The following NDRG4 variants were observed in gnomAD, a reference collection of about 807,000 sequenced individuals.
NDRG4 encodes the protein NDRG family member 4.
A neutral mutation model predicts 55.8 loss-of-function variants in NDRG4; 38 were observed. That is an observed-to-expected ratio of 0.68 (90% CI 0.53 to 0.89). NDRG4 has a LOEUF of 0.89. NDRG4 is among the 40% of genes least tolerant of loss of function. The pLI is 0.00. For missense variants in NDRG4, 455 were observed against 468.6 expected (o/e 0.97, Z 0.27); for synonymous variants, 190 against 182.7 (o/e 1.04, Z -0.32).
chr16:58,478,416 A>T (rs2033976909), intron 1 of NDRG4, among the ~76,000 whole-genome samples: 1 of 152,068 alleles, frequency 6.6e-6, no homozygotes, highest in Admixed American at 6.6e-5. Context: ...TCAAGGTTAT[A>T]AAAGATGGGC....
At chr16:58,468,683 T>G (rs2032190236) in intron 1 of NDRG4, among the ~76,000 whole-genome samples, 2 of 152,184 alleles carry the variant, frequency 1.3e-5, no homozygotes. Flanking sequence ...ATTGCACCAC[T>G]GCCCTCCAGC....
chr16:58,499,864 T>C, upstream of NDRG4: 1 of 371,976 alleles, frequency 2.7e-6, no homozygotes, highest in Non-Finnish European at 5.1e-6. Flanking sequence ...GAGGATCCCG[T>C]GTGAGCTGCA....
intron 1 of NDRG4, among the ~76,000 whole-genome samples, chr16:58,465,565 G>A (rs561379295): frequency 7.3e-6 from 1 of 137,510 alleles, no homozygotes; most frequent in East Asian, 2.6e-4. Context: ...GAGGGGGCTA[G>A]AAGGTGGGGG....
intron 10 of NDRG4, 107 bp from the exon 11 acceptor site, chr16:58,508,855 C>A: frequency 8.0e-7 from 1 of 1,248,672 alleles, no homozygotes; most frequent in Non-Finnish European, 1.1e-6. Flanking sequence ...CCTCCCTCTG[C>A]CTCCCTGCAC....
intron 5 of NDRG4, among the ~76,000 whole-genome samples, chr16:58,505,151 C>T (rs1478415189): frequency 1.3e-5 from 2 of 152,010 alleles, no homozygotes; most frequent in South Asian, 2.1e-4. Context: ...AGATCAAGAC[C>T]ATCCTGGCTA....
chr16:58,467,828 G>A (rs1371142280), intron 1 of NDRG4, among the ~76,000 whole-genome samples: 1 of 152,204 alleles, frequency 6.6e-6, no homozygotes, highest in Non-Finnish European at 1.5e-5. Context: ...TCTGGCGGGC[G>A]GATAGTTGAT....
chr16:58,483,244 T>C, intron 1 of NDRG4, among the ~76,000 whole-genome samples: 1 of 152,164 alleles, frequency 6.6e-6, no homozygotes, highest in East Asian at 1.9e-4. Flanking sequence ...TGGCTTCTAT[T>C]TTTAACCCTA....
rs114500564 is a variant in NDRG4 at position 58,509,632 on chromosome 16, G to T, written c.865+280G>T. Among the ~76,000 whole-genome samples the T allele has an allele frequency of 5.2e-3, 799 of 152,276 alleles. 7 individuals are homozygous for T. The highest frequency in any genetic ancestry group is 0.018 in the African/African-American group (768 of 41,552). On this transcript the variant is annotated intron_variant, in intron 13 of 14. Transcript: ENST00000570248. Reference sequence around the variant, plus strand: ...CAGTGCTGGGCCTACTGGGGGAAGGGACTCTTCCTTCCGTGCTGGGGGTCC... The same window carrying T: ...CAGTGCTGGGCCTACTGGGGGAAGGTACTCTTCCTTCCGTGCTGGGGGTCC...
intron 1 of NDRG4, among the ~76,000 whole-genome samples, chr16:58,486,472 AGT>A (rs997122952): frequency 5.3e-5 from 8 of 152,004 alleles, no homozygotes; most frequent in Admixed American, 2.6e-4. Context: ...AAAAAAAAAA[AGT>A]ATCTTAATTT....
At chr16:58,467,801 A>G (rs1469919250) in intron 1 of NDRG4, among the ~76,000 whole-genome samples, 1 of 152,052 alleles carries the variant, frequency 6.6e-6, no homozygotes, top group Middle Eastern at 3.2e-3. Flanking sequence ...AGCGTGTGCA[A>G]GACGTCGAGT....
chr16:58,490,227 C>T (rs2035617404), intron 2 of NDRG4, among the ~76,000 whole-genome samples: 1 of 152,210 alleles, frequency 6.6e-6, no homozygotes, highest in Non-Finnish European at 1.5e-5. Flanking sequence ...ACCCCTGCAT[C>T]CCATCGCAAG....
intron 1 of NDRG4, among the ~76,000 whole-genome samples, chr16:58,477,955 GC>G (rs1475192473): frequency 5.3e-5 from 8 of 152,292 alleles, no homozygotes; most frequent in Non-Finnish European, 1.2e-4. Flanking sequence ...GACATCATGT[GC>G]CTGCTGATAC....
chr16:58,483,473 C>T (rs184665730), intron 1 of NDRG4, among the ~76,000 whole-genome samples: 55 of 152,306 alleles, frequency 3.6e-4, no homozygotes, highest in Non-Finnish European at 6.5e-4. Flanking sequence ...ACTAACACAG[C>T]GCAGGAGCCC....
chr16:58,495,740 G>C (rs983796062), upstream of NDRG4, among the ~76,000 whole-genome samples: 1 of 152,254 alleles, frequency 6.6e-6, no homozygotes, highest in African/African-American at 2.4e-5. Context: ...ATCTGGGCCT[G>C]TGTGCTGGTC....
At chr16:58,508,860 C>T in intron 10 of NDRG4, 102 bp from the exon 11 acceptor site, 1 of 1,333,788 alleles carries the variant, frequency 7.5e-7, no homozygotes, top group Non-Finnish European at 1.1e-6. Flanking sequence ...CTCTGCCTCC[C>T]TGCACCCCCT....
At chr16:58,482,747 CCCTT>C (rs1567581025) in intron 1 of NDRG4, among the ~76,000 whole-genome samples, 1 of 136,994 alleles carries the variant, frequency 7.3e-6, no homozygotes, top group Non-Finnish European at 1.6e-5. Flanking sequence ...CTTCCTCCCT[CCCTT>C]CCTTCTTTCC....
intron 3 of NDRG4, chr16:58,495,116 C>G (rs2036250305): frequency 9.2e-7 from 1 of 1,086,642 alleles, no homozygotes; most frequent in Non-Finnish European, 1.4e-6. Flanking sequence ...GTGCCCCCTG[C>G]CTAACAGAGA....
At chr16:58,482,988 G>A (rs1017824646) in intron 1 of NDRG4, among the ~76,000 whole-genome samples, 1 of 152,110 alleles carries the variant, frequency 6.6e-6, no homozygotes, top group African/African-American at 2.4e-5. Context: ...GTTTCGCCAT[G>A]TTGGCCAGGC....
chr16:58,510,715 A>G (rs1457971063), intron 14 of NDRG4, 32 bp downstream of exon 14: 2 of 1,532,410 alleles, frequency 1.3e-6, no homozygotes, highest in Non-Finnish European at 1.7e-6. Flanking sequence ...TGATGCATGG[A>G]CGCCCAGCCT....
Sources: allele counts gnomAD v4.1 joint callset (sites outside exome capture counted in the v4.1 genomes callset), GRCh38; gene constraint gnomAD v4.1.1; transcripts MANE v1.5; gene names NCBI Gene and HGNC (gene_info 2026-07-23, HGNC 2026-07-21).